The following ACTR3C variants were observed in gnomAD, a reference collection of about 807,000 sequenced individuals.
The protein encoded by ACTR3C is actin related protein 3C, also known as actin-related protein 3C.
ACTR3C carries 18 observed loss-of-function variants against 26.3 expected under a neutral mutation model. The ratio of observed to expected loss-of-function variants is 0.68; its 90% CI spans 0.47 to 1.01. ACTR3C has a LOEUF of 1.01. Among genes scored for constraint, ACTR3C ranks in the 50% least tolerant of loss-of-function variants. The pLI is 0.00. For synonymous variants in ACTR3C, 55 were observed against 94.5 expected (o/e 0.58, Z 2.42); for missense variants, 184 against 250.7 (o/e 0.73, Z 1.80).
chr7:150,082,914 ATTCT>A, the ACTR3C span, among the ~76,000 whole-genome samples: 268 of 142,432 alleles, frequency 1.9e-3, 2 homozygotes, highest in Non-Finnish European at 3.6e-3. Flanking sequence ...AAGTATTCTA[ATTCT>A]TTCTTTCTTT....
chr7:150,136,436 G>A, the ACTR3C span, among the ~76,000 whole-genome samples: 1 of 152,108 alleles, frequency 6.6e-6, no homozygotes. Context: ...TTGGGAGGCC[G>A]AGGCAGGTGG....
chr7:150,137,117 G>A, the ACTR3C span, among the ~76,000 whole-genome samples: 1 of 152,192 alleles, frequency 6.6e-6, no homozygotes. Flanking sequence ...CACCTCCTGT[G>A]CAGCCCTGTT....
the ACTR3C span, among the ~76,000 whole-genome samples, chr7:150,177,320 T>C: frequency 6.6e-6 from 1 of 150,812 alleles, no homozygotes; most frequent in Non-Finnish European, 1.5e-5. Context: ...TCAAATTCTC[T>C]AGATGCTCCT....
the ACTR3C span, among the ~76,000 whole-genome samples, chr7:150,059,998 G>A: frequency 1.3e-5 from 2 of 151,588 alleles, no homozygotes; most frequent in East Asian, 1.9e-4. Context: ...AAATACTTTC[G>A]GCACACATGA....
intron 6 of ACTR3C, among the ~76,000 whole-genome samples, chr7:150,250,105 G>A (rs1182558272): frequency 1.3e-5 from 2 of 151,738 alleles, no homozygotes; most frequent in South Asian, 4.1e-4. Flanking sequence ...ATGTGGGGCT[G>A]TTGGTTACAT....
At chr7:150,237,088 T>G in the ACTR3C span, among the ~76,000 whole-genome samples, 2 of 151,982 alleles carry the variant, frequency 1.3e-5, no homozygotes, top group East Asian at 3.9e-4. Flanking sequence ...TGTTAAAACA[T>G]CTACACATAA....
chr7:150,153,907 G>C, the ACTR3C span, among the ~76,000 whole-genome samples: 23 of 145,554 alleles, frequency 1.6e-4, no homozygotes, highest in Admixed American at 1.2e-3. Context: ...AAAATGATGA[G>C]TTCATGTCCT....
intron 1 of ACTR3C, among the ~76,000 whole-genome samples, chr7:150,299,135 G>A (rs775221275): frequency 2.0e-5 from 3 of 151,536 alleles, no homozygotes; most frequent in Non-Finnish European, 2.9e-5. Context: ...GGCACATGCC[G>A]TCACGCTCAG....
chr7:150,297,870 AAAG>A, intron 1 of ACTR3C, among the ~76,000 whole-genome samples: 1 of 151,264 alleles, frequency 6.6e-6, no homozygotes, highest in Non-Finnish European at 1.5e-5. Flanking sequence ...AAAAAAAAAA[AAAG>A]ACTTTTATTT....
chr7:150,235,034 G>C, the ACTR3C span, among the ~76,000 whole-genome samples: 5 of 152,152 alleles, frequency 3.3e-5, no homozygotes, highest in African/African-American at 4.8e-5. Context: ...ATTAGCACTA[G>C]GCTTTTGTCA....
the ACTR3C span, among the ~76,000 whole-genome samples, chr7:150,109,621 C>T: frequency 6.7e-6 from 1 of 148,388 alleles, no homozygotes; most frequent in Non-Finnish European, 1.5e-5. Context: ...TTCCAAACAC[C>T]TTGCCCTTAT....
chr7:150,094,109 T>C, the ACTR3C span, among the ~76,000 whole-genome samples: 5 of 150,598 alleles, frequency 3.3e-5, no homozygotes, highest in African/African-American at 1.2e-4. Context: ...CCTCAGAGCC[T>C]ACCCTAGTGA....
At chr7:150,067,270 C>T in the ACTR3C span, among the ~76,000 whole-genome samples, 1 of 152,164 alleles carries the variant, frequency 6.6e-6, no homozygotes, top group South Asian at 2.1e-4. Context: ...TGACTGTCTT[C>T]ATTTAGAGAC....
intron 3 of ACTR3C, among the ~76,000 whole-genome samples, chr7:150,292,057 A>G (rs2531056): frequency 0.15 from 21,721 of 141,952 alleles, 2,365 homozygotes; most frequent in African/African-American, 0.3. Flanking sequence ...GTATTAGTAC[A>G]TCACCCCATC....
At chr7:149,968,910 T>A in the ACTR3C span, among the ~76,000 whole-genome samples, 6 of 152,082 alleles carry the variant, frequency 3.9e-5, no homozygotes, top group Non-Finnish European at 8.8e-5. Flanking sequence ...TTGCCAGGCA[T>A]CCCTCTGTGG....
chr7:150,305,249 G>A (rs936717766), intron 1 of ACTR3C, among the ~76,000 whole-genome samples: 1 of 152,138 alleles, frequency 6.6e-6, no homozygotes, highest in Admixed American at 6.5e-5. Context: ...TTCATGGGTG[G>A]TTTTGACTAT....
chr7:150,079,823 T>G, the ACTR3C span, among the ~76,000 whole-genome samples: 1 of 152,148 alleles, frequency 6.6e-6, no homozygotes, highest in Non-Finnish European at 1.5e-5. Flanking sequence ...TGCCTCATGT[T>G]TCTCCTGCCA....
At chr7:150,195,100 C>CATATATGTATATATAT in the ACTR3C span, among the ~76,000 whole-genome samples, 17 of 137,920 alleles carry the variant, frequency 1.2e-4, no homozygotes, top group Admixed American at 8.7e-4. Flanking sequence ...TTTCAAAATA[C>CATATATGTATATATAT]ATATATGTAT....
At chr7:150,006,185 A>AATTAATTAATTTATTTATTT in the ACTR3C span, among the ~76,000 whole-genome samples, 1 of 139,016 alleles carries the variant, frequency 7.2e-6, no homozygotes, top group African/African-American at 2.7e-5. Context: ...AATTGCACAG[A>AATTAATTAATTTATTTATTT]ATTTATTTAT....
Sources: allele counts gnomAD v4.1 joint callset (sites outside exome capture counted in the v4.1 genomes callset), GRCh38; gene constraint gnomAD v4.1.1; transcripts MANE v1.5; gene names NCBI Gene and HGNC (gene_info 2026-07-23, HGNC 2026-07-21).